The following PPP3CA variants were observed in gnomAD, a reference collection of about 807,000 sequenced individuals.
PPP3CA encodes the protein CAM-PRP catalytic subunit.
Under a neutral mutation model 66.5 loss-of-function variants are expected in PPP3CA, and 14 were observed. The observed-to-expected ratio is 0.21, with a 90% CI of 0.14 to 0.33. The LOEUF is 0.33. Among genes scored for constraint, PPP3CA ranks in the 10% least tolerant of loss-of-function variants. PPP3CA has a pLI of 1.00. For synonymous variants in PPP3CA, 232 were observed against 226.2 expected (o/e 1.03, Z -0.23); for missense variants, 317 against 639.5 (o/e 0.50, Z 5.44).
chr4:101,251,792 T>C (rs547087412), intron 1 of PPP3CA, among the ~76,000 whole-genome samples: 1 of 152,312 alleles, frequency 6.6e-6, no homozygotes, highest in Admixed American at 6.5e-5. Flanking sequence ...TTTAGCTAGC[T>C]GGAAGAAACT....
chr4:101,186,624 T>C (rs1222938854), intron 2 of PPP3CA, among the ~76,000 whole-genome samples: 3 of 152,144 alleles, frequency 2.0e-5, no homozygotes, highest in African/African-American at 7.2e-5. Flanking sequence ...TAGCGCAAAA[T>C]ATGTTCATGA....
chr4:101,231,289 A>T (rs1725952939), intron 1 of PPP3CA, among the ~76,000 whole-genome samples: 1 of 151,718 alleles, frequency 6.6e-6, no homozygotes, highest in South Asian at 2.1e-4. Flanking sequence ...TGGGGAAGGC[A>T]GCAGTTTTTA....
chr4:101,099,321 G>A (rs1375149061), intron 4 of PPP3CA, among the ~76,000 whole-genome samples: 1 of 152,060 alleles, frequency 6.6e-6, no homozygotes. Flanking sequence ...TTAATGAGTA[G>A]AATTATTGTT....
intron 2 of PPP3CA, among the ~76,000 whole-genome samples, chr4:101,182,330 A>G (rs1261959285): frequency 6.6e-6 from 1 of 152,180 alleles, no homozygotes; most frequent in African/African-American, 2.4e-5. Context: ...ATTAAATAAA[A>G]CAGGCTTAAG....
At chr4:101,101,034 A>G (rs1730416675) in intron 3 of PPP3CA, among the ~76,000 whole-genome samples, 1 of 152,300 alleles carries the variant, frequency 6.6e-6, no homozygotes, top group Middle Eastern at 3.4e-3. Context: ...TTGTTCAAGC[A>G]AGATATTATC....
intron 10 of PPP3CA, among the ~76,000 whole-genome samples, chr4:101,054,025 T>G (rs1728120947): frequency 6.6e-6 from 1 of 152,066 alleles, no homozygotes; most frequent in Non-Finnish European, 1.5e-5. Context: ...ATTCCTTGAC[T>G]TACTAACTTT....
At chr4:101,331,312 T>C (rs577579826) in intron 1 of PPP3CA, among the ~76,000 whole-genome samples, 2 of 152,310 alleles carry the variant, frequency 1.3e-5, no homozygotes, top group East Asian at 1.9e-4. Flanking sequence ...ATTAATGTCA[T>C]TAAAATTTTT....
chr4:101,178,042 T>C (rs948725950), intron 2 of PPP3CA, among the ~76,000 whole-genome samples: 1 of 152,160 alleles, frequency 6.6e-6, no homozygotes, highest in Non-Finnish European at 1.5e-5. Context: ...TATCAGTTAT[T>C]ACGTGAGGAG....
intron 1 of PPP3CA, among the ~76,000 whole-genome samples, chr4:101,278,117 A>G (rs1727559630): frequency 9.0e-6 from 1 of 111,010 alleles, no homozygotes; most frequent in African/African-American, 3.4e-5. Flanking sequence ...TTTAAAAGCT[A>G]TTAGTAAAAA....
In PPP3CA at chr4:101,291,059, G is replaced by C. The variant is rs946402777; in HGVS notation, c.58+55680C>G. On this transcript the variant is annotated intron_variant, in intron 1 of 13. Transcript: ENST00000394854. Reference sequence around the variant, plus strand: ...AATGTAGGAAAAGCAGAACCTAAGAGAGCAAAATAACCAGGATTGTTTACA... The same window carrying C: ...AATGTAGGAAAAGCAGAACCTAAGACAGCAAAATAACCAGGATTGTTTACA... Among the ~76,000 whole-genome samples the C allele has an allele frequency of 2.6e-5, 4 of 152,156 alleles. 1 individual carries two copies. The highest frequency in any genetic ancestry group is 1.3e-4 in the Admixed American group (2 of 15,266).
intron 1 of PPP3CA, among the ~76,000 whole-genome samples, chr4:101,326,131 G>A (rs1043859605): frequency 1.2e-4 from 18 of 152,040 alleles, no homozygotes; most frequent in Admixed American, 3.3e-4. Context: ...GTGAGACTCT[G>A]TCTCCAAAAA....
At chr4:101,334,754 A>G (rs1242063487) in intron 1 of PPP3CA, among the ~76,000 whole-genome samples, 1 of 152,166 alleles carries the variant, frequency 6.6e-6, no homozygotes, top group Non-Finnish European at 1.5e-5. Flanking sequence ...AGATTATTCA[A>G]TTTACAGACT....
chr4:101,160,952 A>G (rs1723486031), intron 2 of PPP3CA, among the ~76,000 whole-genome samples: 1 of 152,138 alleles, frequency 6.6e-6, no homozygotes, highest in Non-Finnish European at 1.5e-5. Flanking sequence ...TCTTCCTTCT[A>G]CAAAGAAATA....
chr4:101,095,592 T>C (rs1405381121), intron 5 of PPP3CA, among the ~76,000 whole-genome samples: 1 of 152,160 alleles, frequency 6.6e-6, no homozygotes, highest in Non-Finnish European at 1.5e-5. Context: ...CGATGTGAAG[T>C]TTATTTACTT....
intron 6 of PPP3CA, among the ~76,000 whole-genome samples, chr4:101,089,202 T>TG (rs1249704197): frequency 6.6e-6 from 1 of 151,384 alleles, no homozygotes; most frequent in African/African-American, 2.4e-5. Context: ...TGGGTGTAGG[T>TG]GAGGTTCCTA....
intron 1 of PPP3CA, among the ~76,000 whole-genome samples, chr4:101,320,926 T>C (rs756193291): frequency 3.3e-5 from 5 of 152,270 alleles, no homozygotes; most frequent in Non-Finnish European, 5.9e-5. Flanking sequence ...ATGGGTATTG[T>C]TGCTCCAGCA....
chr4:101,231,557 C>T (rs564156552), intron 1 of PPP3CA, among the ~76,000 whole-genome samples: 4 of 151,622 alleles, frequency 2.6e-5, no homozygotes, highest in South Asian at 2.1e-4. Flanking sequence ...CCAATTTGAA[C>T]GAAAGTGACT....
In PPP3CA at chr4:101,184,950, A is replaced by G. The variant is rs191160262; in HGVS notation, c.259+10966T>C. 3.6e-3 allele frequency among the ~76,000 whole-genome samples: 549 copies of G among 152,246 alleles called. 4 individuals carry two copies. Among genetic ancestry groups the G allele is most frequent in the African/African-American group, 0.013 (525 of 41,560 alleles). ...ACTGGGGGAGCTGCGGCAGTCCCACAGAAATGCAAGAAGGAGCAGGAGGCA... is the reference window on the plus strand; with the variant it reads ...ACTGGGGGAGCTGCGGCAGTCCCACGGAAATGCAAGAAGGAGCAGGAGGCA... On this transcript the variant is annotated intron_variant, in intron 2 of 13. Transcript: ENST00000394854.
chr4:101,223,603 C>G (rs1397006405), intron 1 of PPP3CA, among the ~76,000 whole-genome samples: 3 of 151,742 alleles, frequency 2.0e-5, no homozygotes, highest in African/African-American at 7.3e-5. Flanking sequence ...ACTGTATTTG[C>G]AAAGCAAATC....
Sources: gnomAD v4.1 joint callset for allele counts (sites outside exome capture counted in the v4.1 genomes callset) on GRCh38, gnomAD v4.1.1 for gene constraint, MANE v1.5 for transcripts, NCBI Gene and HGNC (gene_info 2026-07-23, HGNC 2026-07-21) for gene names.